The following SLC60A1 variants were observed in gnomAD, a reference collection of about 807,000 sequenced individuals.
SLC60A1 encodes the protein solute carrier family 60 member 1, also known as major facilitator superfamily domain containing 4.
At chr1:205,582,055 G>A in the SLC60A1 span, among the ~76,000 whole-genome samples, 2 of 152,102 alleles carry the variant, frequency 1.3e-5, no homozygotes, top group East Asian at 1.9e-4. Flanking sequence ...TCCCTGGCCC[G>A]AATCTCCTCT....
At chr1:205,583,901 TGGGAAG>T in the SLC60A1 span, 2 of 1,582,354 alleles carry the variant, frequency 1.3e-6, no homozygotes, top group South Asian at 2.3e-5. Context: ...AGGCCAGGCG[TGGGAAG>T]GGGGAGCTTC....
chr1:205,597,635 A>G, the SLC60A1 span: 1 of 730,122 alleles, frequency 1.4e-6, no homozygotes, highest in East Asian at 2.7e-5. Flanking sequence ...GCCTCAAGAG[A>G]TCCTCCCACT....
At chr1:205,602,329 G>C in the SLC60A1 span, 3 of 152,750 alleles carry the variant, frequency 2.0e-5, no homozygotes, top group Middle Eastern at 6.8e-3. Context: ...AATCTGGCTG[G>C]AAAGAGAAAC....
chr1:205,573,085 A>G, the SLC60A1 span, among the ~76,000 whole-genome samples: 4 of 152,056 alleles, frequency 2.6e-5, no homozygotes, highest in East Asian at 5.8e-4. Flanking sequence ...CAGCACAGTG[A>G]GACTCCAGTG....
At chr1:205,580,629 AC>A in the SLC60A1 span, 4 of 639,768 alleles carry the variant, frequency 6.3e-6, no homozygotes, top group Non-Finnish European at 6.6e-6. This position sits in a 1 kb window ranked among gnomAD's most constrained non-coding sequence, Gnocchi z 5.0. Context: ...ACTGACCCCC[AC>A]CCCCACCCGC....
At chr1:205,601,491 T>C in the SLC60A1 span, 13 of 152,314 alleles carry the variant, frequency 8.5e-5, 1 homozygote, top group East Asian at 2.3e-3. Context: ...GGATGTTCCA[T>C]TTTTTTCTAC....
the SLC60A1 span, chr1:205,599,221 T>C: frequency 3.7e-6 from 6 of 1,614,172 alleles, no homozygotes; most frequent in Admixed American, 8.3e-5. Context: ...GCTCCTGTTT[T>C]TCCACAGGAT....
the SLC60A1 span, among the ~76,000 whole-genome samples, chr1:205,589,624 G>T: frequency 1.3e-5 from 2 of 151,634 alleles, no homozygotes; most frequent in Non-Finnish European, 2.9e-5. Flanking sequence ...ATTTATTATT[G>T]TTTTTTTTAG....
chr1:205,600,269 T>C, the SLC60A1 span: 1 of 802,246 alleles, frequency 1.2e-6, no homozygotes. Flanking sequence ...CTAGGGGGTC[T>C]GACTTTTCAC....
At chr1:205,579,503 G>A in the SLC60A1 span, 1 of 583,084 alleles carries the variant, frequency 1.7e-6, no homozygotes. Flanking sequence ...GCAATTGTTT[G>A]TAAGTAGAAT....
the SLC60A1 span, among the ~76,000 whole-genome samples, chr1:205,573,341 A>AC: frequency 6.6e-6 from 1 of 151,996 alleles, no homozygotes; most frequent in Non-Finnish European, 1.5e-5. Context: ...AATCGCTTGA[A>AC]CCAGGAGGCG....
the SLC60A1 span, chr1:205,584,170 T>C: frequency 3.8e-6 from 6 of 1,574,076 alleles, no homozygotes. Flanking sequence ...ATGTTGAGGC[T>C]TCCTTGGTAA....
At chr1:205,580,510 CCAGGG>C in the SLC60A1 span, 7 of 1,008,644 alleles carry the variant, frequency 6.9e-6, no homozygotes, top group African/African-American at 6.4e-5. The surrounding 1 kb of genome is among the most constrained non-coding windows in gnomAD (Gnocchi z 5.0). Flanking sequence ...GCTCCCCATT[CCAGGG>C]CTGGGCAACA....
At chr1:205,580,408 C>A in the SLC60A1 span, among the ~76,000 whole-genome samples, 26 of 152,174 alleles carry the variant, frequency 1.7e-4, no homozygotes, top group Admixed American at 3.9e-4. The surrounding 1 kb of genome is among the most constrained non-coding windows in gnomAD (Gnocchi z 5.0). Flanking sequence ...GAATTGGGCA[C>A]TGTCACCCGA....
the SLC60A1 span, among the ~76,000 whole-genome samples, chr1:205,591,501 AAGG>A: frequency 1.2e-3 from 158 of 133,156 alleles, 5 homozygotes; most frequent in South Asian, 1.7e-3. Flanking sequence ...AAAAAAAAAA[AAGG>A]AAAGAAAAGA....
the SLC60A1 span, chr1:205,599,188 C>CT: frequency 6.2e-7 from 1 of 1,614,158 alleles, no homozygotes. Context: ...CTTTGGTTGT[C>CT]TGGCTTTTAC....
At chr1:205,592,777 C>CGTAA in the SLC60A1 span, among the ~76,000 whole-genome samples, 2 of 147,540 alleles carry the variant, frequency 1.4e-5, no homozygotes, top group South Asian at 4.7e-4. Context: ...TTTTTTCCAT[C>CGTAA]CGCTTTGTCC....
chr1:205,592,196 C>T, the SLC60A1 span: 1 of 1,614,176 alleles, frequency 6.2e-7, no homozygotes, highest in Non-Finnish European at 8.5e-7. Flanking sequence ...ACGTCGTCTT[C>T]CTGTTCGTGG....
the SLC60A1 span, chr1:205,600,191 G>C: frequency 1.9e-6 from 1 of 514,952 alleles, no homozygotes; most frequent in Non-Finnish European, 3.5e-6. Flanking sequence ...ATTCATGGGA[G>C]ACAGACACAT....
Sources: allele counts gnomAD v4.1 joint callset (sites outside exome capture counted in the v4.1 genomes callset), GRCh38; gene constraint gnomAD v4.1.1; non-coding constraint Gnocchi (gnomAD v3.1); transcripts MANE v1.5; gene names NCBI Gene and HGNC (gene_info 2026-07-23, HGNC 2026-07-21).